DYM: variants seen among roughly 807,000 people sequenced by gnomAD.
DYM encodes the protein dyggve-Melchior-Clausen syndrome protein.
DYM carries 78 observed loss-of-function variants against 93.1 expected under a neutral mutation model. The observed-to-expected ratio is 0.84, with a 90% CI of 0.70 to 1.01. The LOEUF is 1.01. Among genes scored for constraint, DYM ranks in the 50% least tolerant of loss-of-function variants. DYM has a pLI of 0.00. For synonymous variants in DYM, 321 were observed against 319.7 expected, an observed-to-expected ratio of 1.00 and a Z score of -0.04; for missense variants, 789 against 845.0, an observed-to-expected ratio of 0.93 and a Z score of 0.82.
intron 17 of DYM, among the ~76,000 whole-genome samples, chr18:49,060,850 TG>T (rs2144639981): frequency 6.6e-6 from 1 of 151,822 alleles, no homozygotes; most frequent in Non-Finnish European, 1.5e-5. Flanking sequence ...ATAGTTCACC[TG>T]GGGTGGTCCT....
In DYM at chr18:49,430,301, A is replaced by C. The variant is rs376271744; in HGVS notation, c.94T>G (p.Phe32Val). 9.9e-6 allele frequency: 16 copies of C among 1,613,982 alleles called. No homozygotes were observed. The highest frequency in any genetic ancestry group is 1.3e-5 in the African/African-American group (1 of 74,912). ...GTESISENDP[F>V]WNQLLSFSFP... ...GAAAATGAGAGAAGCTGATTCCAGA[A>C]CGGGTCATTCTCAGAGATAGATTCC... is the stretch of plus-strand genomic sequence containing the variant. Residue 32 changes from phenylalanine (F) to valine (V), a missense_variant, in exon 2 of 18, where the codon TTC becomes GTC. Coordinates refer to ENST00000675505, the MANE Select transcript of DYM (RefSeq NM_001353214.3).
At chr18:49,078,653 T>A (rs568726718) in intron 17 of DYM, among the ~76,000 whole-genome samples, 12 of 152,292 alleles carry the variant, frequency 7.9e-5, no homozygotes, top group African/African-American at 1.9e-4. Context: ...GAGTTTCCCA[T>A]GTGAGGTGCT....
intron 1 of DYM, among the ~76,000 whole-genome samples, chr18:49,447,060 CAAAA>C (rs59079856): frequency 1.0e-5 from 1 of 98,418 alleles, no homozygotes; most frequent in Non-Finnish European, 2.1e-5. Flanking sequence ...GACTCCATCA[CAAAA>C]AAAAAAAAAA....
At chr18:49,212,969 G>T (rs1213439818) in intron 13 of DYM, among the ~76,000 whole-genome samples, 1 of 152,152 alleles carries the variant, frequency 6.6e-6, no homozygotes, top group Non-Finnish European at 1.5e-5. Flanking sequence ...GGCAAATGTG[G>T]TCTGGAGCTA....
chr18:49,172,461 CTT>C (rs1185387550), intron 14 of DYM, among the ~76,000 whole-genome samples: 1 of 152,184 alleles, frequency 6.6e-6, no homozygotes, highest in Non-Finnish European at 1.5e-5. Flanking sequence ...GTCTTTTTCA[CTT>C]TAGCCATTTT....
chr18:49,115,578 G>C (rs1321382324), intron 16 of DYM, among the ~76,000 whole-genome samples: 1 of 152,210 alleles, frequency 6.6e-6, no homozygotes, highest in African/African-American at 2.4e-5. Flanking sequence ...ATAGAGGACT[G>C]CCACAAGGGC....
At chr18:49,185,406 G>A (rs1893526) in intron 14 of DYM, among the ~76,000 whole-genome samples, 92,953 of 151,988 alleles carry the variant, frequency 0.61, 30,020 homozygotes, top group Non-Finnish European at 0.74. Context: ...ATATGACTGT[G>A]GAAACTTGTC....
chr18:49,097,794 C>T (rs1379315210), intron 16 of DYM, among the ~76,000 whole-genome samples: 2 of 151,228 alleles, frequency 1.3e-5, no homozygotes, highest in Middle Eastern at 3.4e-3. Flanking sequence ...ATTTATATTT[C>T]GTTTATAGAG....
intron 14 of DYM, among the ~76,000 whole-genome samples, chr18:49,195,779 G>T (rs1018068604): frequency 6.6e-6 from 1 of 152,164 alleles, no homozygotes; most frequent in African/African-American, 2.4e-5. Flanking sequence ...GAAAAGCAAT[G>T]CAATTCCACA....
chr18:49,135,105 T>A (rs1021529336), intron 15 of DYM, among the ~76,000 whole-genome samples: 3 of 151,672 alleles, frequency 2.0e-5, no homozygotes, highest in African/African-American at 7.3e-5. Flanking sequence ...CAAAACTCCA[T>A]CTCGGAAAAA....
In DYM at chr18:49,228,464, G is replaced by A. The variant is rs149574607; in HGVS notation, c.1461-18749C>T. On this transcript the variant is annotated intron_variant, in intron 13 of 17. Coordinates refer to ENST00000675505, the MANE Select transcript of DYM (RefSeq NM_001353214.3). The stretch of plus-strand genomic sequence containing the variant: ...CCCACAATTTGGACATTTTGCAGAC[G>A]GAAGTGAGAAAAATTCAATCATTAT... 2.6e-3 allele frequency among the ~76,000 whole-genome samples: 401 copies of A among 152,136 alleles called. 2 individuals carry two copies. Among genetic ancestry groups the A allele is most frequent in the Non-Finnish European group, 1.7e-3 (113 of 67,984 alleles).
intron 14 of DYM, among the ~76,000 whole-genome samples, chr18:49,196,786 G>T (rs1329468771): frequency 6.6e-6 from 1 of 152,208 alleles, no homozygotes; most frequent in African/African-American, 2.4e-5. Flanking sequence ...GAAGATACAT[G>T]TAACTTAGAA....
intron 13 of DYM, among the ~76,000 whole-genome samples, chr18:49,224,397 G>C (rs1196945943): frequency 6.6e-6 from 1 of 152,056 alleles, no homozygotes; most frequent in African/African-American, 2.4e-5. Context: ...GTGTAAGGAT[G>C]GGAGTGGCTA....
At chr18:49,103,327 G>A (rs28831445) in intron 16 of DYM, among the ~76,000 whole-genome samples, 7 of 152,076 alleles carry the variant, frequency 4.6e-5, no homozygotes, top group African/African-American at 1.2e-4. Flanking sequence ...TTGTCAGATG[G>A]GTAGATGGCA....
chr18:49,069,762 G>A (rs1190767251), intron 17 of DYM, among the ~76,000 whole-genome samples: 2 of 152,170 alleles, frequency 1.3e-5, no homozygotes, highest in Admixed American at 6.5e-5. Flanking sequence ...TGTGTATTGG[G>A]CCAGGCATGG....
At chr18:49,415,036 G>C (rs1000109783) in intron 2 of DYM, among the ~76,000 whole-genome samples, 4 of 151,750 alleles carry the variant, frequency 2.6e-5, no homozygotes, top group African/African-American at 7.3e-5. Context: ...CCAGGCTGGA[G>C]TACAGTGGCA....
chr18:49,281,010 C>G (rs566067085), intron 10 of DYM, among the ~76,000 whole-genome samples: 2 of 152,246 alleles, frequency 1.3e-5, no homozygotes, highest in East Asian at 3.9e-4. Flanking sequence ...TCGGAGTGAA[C>G]AGGCAACCTA....
chr18:49,290,825 G>T (rs1243075499), intron 8 of DYM, among the ~76,000 whole-genome samples: 4 of 152,112 alleles, frequency 2.6e-5, no homozygotes, highest in Non-Finnish European at 5.9e-5. Context: ...CTCAGACTTT[G>T]TTCAGTGTAG....
At chr18:49,251,417 A>C (rs1035750684) in intron 13 of DYM, among the ~76,000 whole-genome samples, 1 of 152,170 alleles carries the variant, frequency 6.6e-6, no homozygotes, top group African/African-American at 2.4e-5. Flanking sequence ...AGAAAGGGAG[A>C]AAAGTTACAG....
Sources: gnomAD v4.1 joint callset for allele counts (sites outside exome capture counted in the v4.1 genomes callset) on GRCh38, gnomAD v4.1.1 for gene constraint, MANE v1.5 for transcripts, NCBI Gene and HGNC (gene_info 2026-07-23, HGNC 2026-07-21) for gene names.